SYT7: variants seen among roughly 807,000 people sequenced by gnomAD.
The protein encoded by SYT7 is synaptotagmin 7, also known as synaptotagmin-7.
SYT7 carries 29 observed loss-of-function variants against 75.1 expected under a neutral mutation model. That is an observed-to-expected ratio of 0.39 (90% CI 0.29 to 0.53). The LOEUF (loss-of-function observed/expected upper bound fraction) is 0.53, where lower values mean the gene tolerates loss of function less well. Among genes scored for constraint, SYT7 ranks in the 20% least tolerant of loss-of-function variants. SYT7 has a pLI of 0.77. For missense variants in SYT7, 693 were observed against 953.2 expected, an observed-to-expected ratio of 0.73 and a Z score of 3.59; for synonymous variants, 376 against 401.7, an observed-to-expected ratio of 0.94 and a Z score of 0.76.
At position 61,546,174 on chromosome 11, in the gene SYT7, C is replaced by T. The variant is rs1281092200; in HGVS notation, c.429G>A (p.Pro143=). 12 of 1,521,724 alleles carry T rather than the reference C, an allele frequency of 7.9e-6. No individual in the cohort carries two copies. The highest frequency in any genetic ancestry group is 5.1e-5 in the East Asian group (2 of 39,358). The allele number at this position is 1,521,724 out of a possible 1,614,324, so 94.3% of individuals were successfully genotyped here. A position where few individuals can be genotyped will look rare whatever the true frequency, so the allele number is the denominator to read the frequency against. The change falls in exon 5 of 13, where the codon CCG becomes CCA. Residue 143 remains proline (P), a synonymous_variant. Transcript: ENST00000539008. This position sits in a 1 kb window ranked among gnomAD's most constrained non-coding sequence, Gnocchi z 7.6. ...CCTCTCCGGGTGGCGGCACCGGTGCCGGCTTCTCCCCCAGCCGGCCTTCCC... is the reference window on the plus strand; with the variant it reads ...CCTCTCCGGGTGGCGGCACCGGTGCTGGCTTCTCCCCCAGCCGGCCTTCCC... ...VEREGRLGEK[P]APVPPPGEDA...
rs373856751 is a variant in SYT7, at chr11:61,535,546, G to A, written c.1065-2422C>T. Among the ~76,000 whole-genome samples the A allele has an allele frequency of 5.3e-5, 8 of 152,204 alleles. No homozygotes were observed. In the East Asian group the frequency reaches 7.7e-4, roughly 15 times the overall value. On this transcript the variant is annotated intron_variant, in intron 7 of 12. Coordinates refer to ENST00000539008, the MANE Select transcript of SYT7 (RefSeq NM_001365809.2). ...TGGAGCCAGGGCCTCCCTCCCTCCC[G>A]GGAGCGCAGTCTGAAGTGTGGTGCC...
chr11:61,574,555 C>T, intron 1 of SYT7, among the ~76,000 whole-genome samples: 1 of 152,076 alleles, frequency 6.6e-6, no homozygotes, highest in Non-Finnish European at 1.5e-5. Context: ...CTCTGCAAAG[C>T]ACAAAACCCC....
At chr11:61,526,541 C>T (rs904843930) in intron 9 of SYT7, 5 of 152,388 alleles carry the variant, frequency 3.3e-5, no homozygotes, top group Admixed American at 3.3e-4. Flanking sequence ...ACATCTGGGT[C>T]TCCATTAGGC....
chr11:61,552,641 C>A (rs78596192), intron 2 of SYT7, among the ~76,000 whole-genome samples: 4,646 of 152,310 alleles, frequency 0.031, 270 homozygotes, highest in African/African-American at 0.11. Flanking sequence ...CTCCCTGATG[C>A]TCCTGCCAGG....
In SYT7 at chr11:61,580,539, G is replaced by A. The variant is rs1243583013; in HGVS notation, c.31+251C>T. On this transcript the variant is annotated intron_variant, in intron 1 of 12. Transcript: ENST00000539008. The surrounding 1 kb of genome is among the most constrained non-coding windows in gnomAD (Gnocchi z 6.1). ...GTCCTTGGGCTGTTGAGGGGTGGGGGAGAGGTCCTTGTGGGGACACTGCGA... is the reference window on the plus strand; with the variant it reads ...GTCCTTGGGCTGTTGAGGGGTGGGGAAGAGGTCCTTGTGGGGACACTGCGA... Among the ~76,000 whole-genome samples the A allele has an allele frequency of 6.6e-6, 1 of 152,136 alleles. No individual in the cohort carries two copies. The highest frequency in any genetic ancestry group is 1.5e-5 in the Non-Finnish European group (1 of 68,002).
chr11:61,564,956 C>T (rs2063728619), intron 1 of SYT7, among the ~76,000 whole-genome samples: 2 of 152,180 alleles, frequency 1.3e-5, no homozygotes, highest in African/African-American at 2.4e-5. Flanking sequence ...AAGAGGAGGA[C>T]AATGGGGTGT....
intron 7 of SYT7, among the ~76,000 whole-genome samples, chr11:61,537,236 T>C (rs985863665): frequency 4.6e-5 from 7 of 151,982 alleles, no homozygotes; most frequent in Admixed American, 4.6e-4. Context: ...ACCACAGGTG[T>C]GGTCAACCCA....
chr11:61,521,041 C>T (rs1339983582), intron 12 of SYT7, among the ~76,000 whole-genome samples: 1 of 152,250 alleles, frequency 6.6e-6, no homozygotes, highest in Non-Finnish European at 1.5e-5. Flanking sequence ...CGGCTCCATC[C>T]TGCTGGAGCT....
chr11:61,549,344 T>C (rs1293882680), intron 3 of SYT7, among the ~76,000 whole-genome samples: 2 of 152,214 alleles, frequency 1.3e-5, no homozygotes, highest in Admixed American at 6.5e-5. Context: ...TCAGAGCCTT[T>C]AACGTGCCCA....
intron 5 of SYT7, among the ~76,000 whole-genome samples, chr11:61,544,935 G>T (rs1590885653): frequency 6.6e-6 from 1 of 152,222 alleles, no homozygotes; most frequent in South Asian, 2.1e-4. Flanking sequence ...CTTCTGAAGA[G>T]AATCAGGAGG....
Position 61,518,437 on chromosome 11 carries a change from G to A in SYT7, c.*190C>T. The A allele has an allele frequency of 2.2e-6, 1 of 447,098 alleles. No homozygotes were observed. The allele number at this position is 447,098 out of a possible 1,614,324, so 27.7% of individuals were successfully genotyped here. A position where few individuals can be genotyped will look rare whatever the true frequency, so the allele number is the denominator to read the frequency against. The stretch of plus-strand genomic sequence containing the variant: ...CTCCCAGAGCCCCTTCCCCGGAGCT[G>A]GACTGTGGGGGATGGGGCTGGTACT... On this transcript the variant is annotated 3_prime_UTR_variant, in exon 13 of 13. Transcript: ENST00000539008.
In SYT7 at chr11:61,569,339, C is replaced by A. The variant is rs980098748; in HGVS notation, c.31+11451G>T. ...TGCCTGGGTCAGGGTTCTGTCAGGG[C>A]AGGGGATGCTGATGGAGGAGCAAAG... On this transcript the variant is annotated intron_variant, in intron 1 of 12. Transcript: ENST00000539008. Among the ~76,000 whole-genome samples, 6 of 151,974 alleles carry A rather than the reference C, an allele frequency of 3.9e-5. No homozygotes were observed. The East Asian group carries it at 1.2e-3, about 29-fold the overall frequency.
intron 1 of SYT7, among the ~76,000 whole-genome samples, chr11:61,575,495 C>T (rs371875519): frequency 6.6e-6 from 1 of 152,220 alleles, no homozygotes; most frequent in Non-Finnish European, 1.5e-5. Flanking sequence ...AACAGCCCCA[C>T]ACCGTCATGG....
intron 5 of SYT7, among the ~76,000 whole-genome samples, chr11:61,545,331 T>C (rs1454143113): frequency 6.6e-6 from 1 of 152,228 alleles, no homozygotes; most frequent in Non-Finnish European, 1.5e-5. Context: ...TGAAGCTAGC[T>C]GGGGTTTGAC....
chr11:61,572,370 G>C (rs894935143), intron 1 of SYT7, among the ~76,000 whole-genome samples: 1 of 152,226 alleles, frequency 6.6e-6, no homozygotes, highest in Non-Finnish European at 1.5e-5. Flanking sequence ...TCTGCAGCCA[G>C]TACCAACTCG....
At chr11:61,537,634 GC>G (rs146714120) in intron 7 of SYT7, among the ~76,000 whole-genome samples, 11,884 of 152,142 alleles carry the variant, frequency 0.078, 626 homozygotes, top group Middle Eastern at 0.13. Flanking sequence ...CCTCTCCCAT[GC>G]CCCAGACCCT....
At chr11:61,578,822 C>A (rs922363724) in intron 1 of SYT7, among the ~76,000 whole-genome samples, 3 of 152,196 alleles carry the variant, frequency 2.0e-5, no homozygotes, top group Non-Finnish European at 4.4e-5. Flanking sequence ...CTTTCCCAGT[C>A]ACAGCTGCCC....
At position 61,514,002 on chromosome 11, in the gene SYT7, AG is replaced by A. The variant is rs1012333749; in HGVS notation, c.*4624del. 5.9e-5 allele frequency among the ~76,000 whole-genome samples: 9 copies of A among 151,758 alleles called. No individual in the cohort carries two copies. Among genetic ancestry groups the A allele is most frequent in the African/African-American group, 1.9e-4 (8 of 41,246 alleles). On this transcript the variant is annotated 3_prime_UTR_variant, in exon 13 of 13. Transcript: ENST00000539008. ...AGCCTTCCAGAAAGCAGCAGTATCCAGGGGGGGACTCACAGGAGAAAGAAAA... is the reference window on the plus strand; with the variant it reads ...AGCCTTCCAGAAAGCAGCAGTATCCAGGGGGGACTCACAGGAGAAAGAAAA...
At chr11:61,574,197 T>G (rs1401964271) in intron 1 of SYT7, among the ~76,000 whole-genome samples, 3 of 152,232 alleles carry the variant, frequency 2.0e-5, no homozygotes, top group African/African-American at 7.2e-5. Flanking sequence ...TACTATGGGC[T>G]GGCTCTCTGC....
Sources: allele counts gnomAD v4.1 joint callset (sites outside exome capture counted in the v4.1 genomes callset), GRCh38; gene constraint gnomAD v4.1.1; non-coding constraint Gnocchi (gnomAD v3.1); transcripts MANE v1.5; gene names NCBI Gene and HGNC (gene_info 2026-07-23, HGNC 2026-07-21).